The following CSNK1G1 variants were observed in gnomAD, a reference collection of about 807,000 sequenced individuals.
CSNK1G1 encodes the protein casein kinase 1 gamma 1.
A neutral mutation model predicts 59.6 loss-of-function variants in CSNK1G1; 22 were observed. The ratio of observed to expected loss-of-function variants is 0.37; its 90% CI spans 0.26 to 0.53. The LOEUF is 0.53. CSNK1G1 is among the 20% of genes least tolerant of loss of function. The pLI is 0.89. For synonymous variants in CSNK1G1, 179 were observed against 177.1 expected, an observed-to-expected ratio of 1.01 and a Z score of -0.08; for missense variants, 384 against 519.5, an observed-to-expected ratio of 0.74 and a Z score of 2.54.
chr15:64,338,017 C>T (rs1388021424), intron 1 of CSNK1G1, among the ~76,000 whole-genome samples: 5 of 152,230 alleles, frequency 3.3e-5, no homozygotes, highest in African/African-American at 4.8e-5. Context: ...ATGCACTCAT[C>T]TGTCAACAGG....
rs544166134 is a variant in CSNK1G1 at position 64,226,584 on chromosome 15, CA to C, written c.293-9872del. Among the ~76,000 whole-genome samples the C allele has an allele frequency of 4.2e-3, 496 of 118,606 alleles. 3 individuals carry two copies. Among genetic ancestry groups the C allele is most frequent in the African/African-American group, 9.8e-3 (282 of 28,870 alleles). 77.8% of individuals were successfully genotyped at this position (118,606 alleles called of 152,430 possible). A position where few individuals can be genotyped will look rare whatever the true frequency, so the allele number is the denominator to read the frequency against. On this transcript the variant is annotated intron_variant, in intron 4 of 11. Transcript: ENST00000303052. ...CAAACAAACAAACAAACAAACAAACCAAAAAAAAAAAAGGAGACTAACTCAG... is the reference window on the plus strand; with the variant it reads ...CAAACAAACAAACAAACAAACAAACCAAAAAAAAAAAGGAGACTAACTCAG...
In CSNK1G1 at chr15:64,188,462, T is replaced by C; in HGVS notation, c.1108-8008A>G. The C allele has an allele frequency of 6.5e-7, 1 of 1,536,068 alleles. No homozygotes were observed. The highest frequency in any genetic ancestry group is 8.7e-7 in the Non-Finnish European group (1 of 1,146,892). On this transcript the variant is annotated intron_variant, in intron 10 of 11. Transcript: ENST00000303052. The surrounding 1 kb of genome is among the most constrained non-coding windows in gnomAD (Gnocchi z 4.2). ...GCCGGCTGGGCTGAATTTCCCACTCTCCTCGGCGCTCTGATGATACATTCT... is the reference window on the plus strand; with the variant it reads ...GCCGGCTGGGCTGAATTTCCCACTCCCCTCGGCGCTCTGATGATACATTCT...
rs1416469647 is a variant in CSNK1G1, at chr15:64,165,948, T to G, written c.*5983A>C. ...TCTGCAGAGAAGATTTTCCTAATGGTGCACAAATATCTCTCCTGGAGGAAC... is the reference window on the plus strand; with the variant it reads ...TCTGCAGAGAAGATTTTCCTAATGGGGCACAAATATCTCTCCTGGAGGAAC... On this transcript the variant is annotated 3_prime_UTR_variant, in exon 12 of 12. Transcript: ENST00000303052. 1 of 625,190 alleles carries G rather than the reference T, an allele frequency of 1.6e-6. No homozygotes were observed. Among genetic ancestry groups the G allele is most frequent in the East Asian group, 2.9e-5 (1 of 34,690 alleles). 38.7% of individuals were successfully genotyped at this position (625,190 alleles called of 1,614,324 possible). A position where few individuals can be genotyped will look rare whatever the true frequency, so the allele number is the denominator to read the frequency against.
At chr15:64,172,578 C>T (rs1032781840) in intron 11 of CSNK1G1, among the ~76,000 whole-genome samples, 30 of 151,778 alleles carry the variant, frequency 2.0e-4, no homozygotes, top group South Asian at 2.1e-4. Flanking sequence ...CTAATAATGA[C>T]GGTGAGCCAC....
At chr15:64,211,374 A>T (rs2082247205) in intron 6 of CSNK1G1, among the ~76,000 whole-genome samples, 3 of 152,220 alleles carry the variant, frequency 2.0e-5, no homozygotes, top group Admixed American at 2.0e-4. Context: ...AAAGAGTTTA[A>T]AAAGCAGTGA....
At chr15:64,244,723 A>C (rs907545744) in intron 4 of CSNK1G1, among the ~76,000 whole-genome samples, 2 of 151,980 alleles carry the variant, frequency 1.3e-5, no homozygotes, top group African/African-American at 4.8e-5. Flanking sequence ...CCTCTACAAA[A>C]AATTAGCAGG....
At chr15:64,260,372 C>T (rs915099871) in intron 2 of CSNK1G1, among the ~76,000 whole-genome samples, 1 of 150,882 alleles carries the variant, frequency 6.6e-6, no homozygotes, top group African/African-American at 2.5e-5. Context: ...AATATATGTG[C>T]GTGAAAAAGA....
intron 1 of CSNK1G1, among the ~76,000 whole-genome samples, chr15:64,303,858 C>G (rs11071789): frequency 6.8e-6 from 1 of 148,078 alleles, no homozygotes. Flanking sequence ...GGTTCAAGGA[C>G]GCAGTGAGCC....
rs924842681 is a variant in CSNK1G1, at chr15:64,165,929, G to T, written c.*6002C>A. On this transcript the variant is annotated 3_prime_UTR_variant, in exon 12 of 12. Coordinates refer to ENST00000303052, the MANE Select transcript of CSNK1G1 (RefSeq NM_022048.5). ...TCCAAAGAAGGCTACTTCCTCTGCA[G>T]AGAAGATTTTCCTAATGGTGCACAA... is the stretch of plus-strand genomic sequence containing the variant. 40 of 597,026 alleles carry T rather than the reference G, an allele frequency of 6.7e-5. No individual in the cohort carries two copies. Among genetic ancestry groups the T allele is most frequent in the Admixed American group, 9.6e-5 (3 of 31,216 alleles). 37.0% of individuals were successfully genotyped at this position (597,026 alleles called of 1,614,324 possible). A position where few individuals can be genotyped will look rare whatever the true frequency, so the allele number is the denominator to read the frequency against.
At chr15:64,254,699 T>A (rs1447271172) in intron 3 of CSNK1G1, among the ~76,000 whole-genome samples, 1 of 152,212 alleles carries the variant, frequency 6.6e-6, no homozygotes, top group Non-Finnish European at 1.5e-5. Context: ...ATTCTGGATA[T>A]CATCTCTTAT....
intron 10 of CSNK1G1, among the ~76,000 whole-genome samples, chr15:64,202,292 C>G (rs2082118810): frequency 6.6e-6 from 1 of 152,116 alleles, no homozygotes; most frequent in Admixed American, 6.5e-5. Flanking sequence ...CCATTCTTAA[C>G]CAGCAAGGAA....
rs1555501388 is a variant in CSNK1G1 at position 64,226,555 on chromosome 15, A to AAAAAC, written c.293-9843_293-9842insGTTTT. Among the ~76,000 whole-genome samples the AAAAAC allele has an allele frequency of 4.8e-3, 706 of 148,412 alleles. 7 individuals are homozygous for AAAAAC. Among genetic ancestry groups the AAAAAC allele is most frequent in the African/African-American group, 0.017 (654 of 39,304 alleles). On this transcript the variant is annotated intron_variant, in intron 4 of 11. Transcript: ENST00000303052. Reference sequence around the variant, plus strand: ...CAGTGACAGAGCAAGATTCCGTCTCAAAACAAACAAACAAACAAACAAACA... The same window carrying AAAAAC: ...CAGTGACAGAGCAAGATTCCGTCTCAAAAACAAACAAACAAACAAACAAACAAACA...
chr15:64,237,409 T>G (rs1460753852), intron 4 of CSNK1G1, among the ~76,000 whole-genome samples: 6 of 152,174 alleles, frequency 3.9e-5, no homozygotes, highest in Non-Finnish European at 7.4e-5. Flanking sequence ...AGGTTCACTA[T>G]TTCATCCTTT....
At chr15:64,215,736 A>T (rs1217411325) in intron 5 of CSNK1G1, among the ~76,000 whole-genome samples, 1 of 152,178 alleles carries the variant, frequency 6.6e-6, no homozygotes, top group Non-Finnish European at 1.5e-5. Context: ...ATTTGTGTAT[A>T]ATTTGGTAGG....
In CSNK1G1 at chr15:64,236,704, TAC is replaced by T. The variant is rs967144528; in HGVS notation, c.292+14806_292+14807del. On this transcript the variant is annotated intron_variant, in intron 4 of 11. Transcript: ENST00000303052. ...CACTGTTGGTGGGAATGTAAATTAG[TAC>T]AGTCTCTATGGAAGACAATATGGAG... Among the ~76,000 whole-genome samples the T allele has an allele frequency of 6.0e-4, 91 of 152,330 alleles. 1 individual carries two copies. The highest frequency in any genetic ancestry group is 2.1e-3 in the African/African-American group (87 of 41,580).
rs546533200 is a variant in CSNK1G1, at chr15:64,326,744, G to A, written c.-224-26021C>T. 9.9e-5 allele frequency among the ~76,000 whole-genome samples: 15 copies of A among 151,950 alleles called. No individual in the cohort carries two copies. In the South Asian group the frequency reaches 3.1e-3, roughly 32 times the overall value. Reference sequence around the variant, plus strand: ...GCGACGCAGAAGACGGGTGATTTCTGCATTTCCATCTGAGGTACCGGGTTC... The same window carrying A: ...GCGACGCAGAAGACGGGTGATTTCTACATTTCCATCTGAGGTACCGGGTTC... On this transcript the variant is annotated intron_variant, in intron 1 of 11. Transcript: ENST00000303052.
chr15:64,281,872 T>G (rs1359406579), intron 2 of CSNK1G1, among the ~76,000 whole-genome samples: 1 of 150,924 alleles, frequency 6.6e-6, no homozygotes, highest in African/African-American at 2.4e-5. Context: ...TAAACACTAC[T>G]GAATTGTACA....
At chr15:64,263,808 GCCTT>G (rs1285938045) in intron 2 of CSNK1G1, among the ~76,000 whole-genome samples, 4 of 66,628 alleles carry the variant, frequency 6.0e-5, no homozygotes, top group Admixed American at 2.1e-4. Flanking sequence ...GTGGTTTTAT[GCCTT>G]TTTGTTTACC....
intron 1 of CSNK1G1, among the ~76,000 whole-genome samples, chr15:64,351,229 G>A (rs1200381167): frequency 6.6e-6 from 1 of 152,094 alleles, no homozygotes; most frequent in Admixed American, 6.6e-5. Context: ...AGCACCGCCT[G>A]GACTTTTTAA....
Sources: allele counts gnomAD v4.1 joint callset (sites outside exome capture counted in the v4.1 genomes callset), GRCh38; gene constraint gnomAD v4.1.1; non-coding constraint Gnocchi (gnomAD v3.1); transcripts MANE v1.5; gene names NCBI Gene and HGNC (gene_info 2026-07-23, HGNC 2026-07-21).